Variants in GAS7 observed in about 807,000 individuals in gnomAD.
GAS7 encodes the protein growth arrest specific 7.
GAS7 carries 28 observed loss-of-function variants against 71.1 expected under a neutral mutation model. The observed-to-expected ratio is 0.39, with a 90% CI of 0.29 to 0.54. The LOEUF (loss-of-function observed/expected upper bound fraction) is 0.54, where lower values mean the gene tolerates loss of function less well. Among genes scored for constraint, GAS7 ranks in the 20% least tolerant of loss-of-function variants. The pLI is 0.62. For synonymous variants in GAS7, 258 were observed against 245.8 expected (o/e 1.05, Z -0.46); for missense variants, 436 against 627.8 (o/e 0.69, Z 3.27).
At chr17:10,070,852 G>A (rs1411595093) in intron 1 of GAS7, among the ~76,000 whole-genome samples, 1 of 151,974 alleles carries the variant, frequency 6.6e-6, no homozygotes, top group African/African-American at 2.4e-5. Flanking sequence ...TGGGGTGGTG[G>A]CGAAGGAAGA....
intron 8 of GAS7, among the ~76,000 whole-genome samples, chr17:9,938,879 C>T (rs1354597626): frequency 6.6e-6 from 1 of 152,178 alleles, no homozygotes; most frequent in African/African-American, 2.4e-5. Context: ...CACTATGAGA[C>T]CTTTTGTGCC....
chr17:10,182,712 G>A (rs2074425603), intron 1 of GAS7, among the ~76,000 whole-genome samples: 1 of 152,130 alleles, frequency 6.6e-6, no homozygotes, highest in Non-Finnish European at 1.5e-5. Context: ...GGAGACACCG[G>A]CTTTGTGGTA....
rs2072703764 is a variant in GAS7, at chr17:10,034,656, C to A, written c.184-14759G>T. ...TAGTATATATGTTTTAAGGACATGC[C>A]ATTTTAATAGGAGAAAAAAAGTCAC... On this transcript the variant is annotated intron_variant, in intron 1 of 13. Coordinates refer to ENST00000432992, the MANE Select transcript of GAS7 (RefSeq NM_201433.2). This position sits in a 1 kb window ranked among gnomAD's most constrained non-coding sequence, Gnocchi z 4.4. Among the ~76,000 whole-genome samples, 2 of 152,046 alleles carry A rather than the reference C, an allele frequency of 1.3e-5. No individual in the cohort carries two copies. Among genetic ancestry groups the A allele is most frequent in the Admixed American group, 1.3e-4 (2 of 15,266 alleles).
In GAS7 at chr17:9,977,573, G is replaced by A. The variant is rs374482907; in HGVS notation, c.385+4231C>T. Among the ~76,000 whole-genome samples, 12 of 152,256 alleles carry A rather than the reference G, an allele frequency of 7.9e-5. No individual in the cohort carries two copies. In the South Asian group the frequency reaches 1.5e-3, roughly 18 times the overall value. ...TTTAAAGTTTATTTCTTACTCATGC[G>A]GGTCTCACCCAGAAAGCCTGGCATT... is the stretch of plus-strand genomic sequence containing the variant. On this transcript the variant is annotated intron_variant, in intron 3 of 13. Transcript: ENST00000432992.
chr17:10,011,073 A>G (rs143528032), intron 2 of GAS7, among the ~76,000 whole-genome samples: 1 of 152,372 alleles, frequency 6.6e-6, no homozygotes, highest in Non-Finnish European at 1.5e-5. Context: ...CAAAATCACT[A>G]GCCTCTGCAA....
chr17:10,136,023 G>A (rs916996906), intron 1 of GAS7, among the ~76,000 whole-genome samples: 15 of 152,224 alleles, frequency 9.9e-5, no homozygotes, highest in African/African-American at 3.6e-4. Flanking sequence ...GGTTCAGCTC[G>A]GAACAACACC....
rs2067564765 is a variant in GAS7, at chr17:9,915,686, G to A, written c.*1542C>T. The A allele has an allele frequency of 8.7e-6, 2 of 230,094 alleles. No individual in the cohort carries two copies. Among genetic ancestry groups the A allele is most frequent in the Admixed American group, 1.1e-4 (2 of 17,662 alleles). 14.3% of individuals were successfully genotyped at this position (230,094 alleles called of 1,614,324 possible). On this transcript the variant is annotated 3_prime_UTR_variant, in exon 14 of 14. Transcript: ENST00000432992. ...ACGTTGACTGAAAGACCAGTGAGTT[G>A]TGCTTGTTGAATTCTGCCCTCACTG...
At position 10,052,174 on chromosome 17, in the gene GAS7, C is replaced by G. The variant is rs1021729337; in HGVS notation, c.184-32277G>C. On this transcript the variant is annotated intron_variant, in intron 1 of 13. Transcript: ENST00000432992. ...AATGAAAACGAGCCCCAGAAACAAA[C>G]CTGGTCCCTGACCGAGAACTGCAAA... Among the ~76,000 whole-genome samples the G allele has an allele frequency of 6.6e-5, 10 of 152,264 alleles. No homozygotes were observed. In the East Asian group the frequency reaches 1.9e-3, roughly 29 times the overall value.
At chr17:9,967,512 G>A (rs778259110) in intron 4 of GAS7, among the ~76,000 whole-genome samples, 2 of 152,120 alleles carry the variant, frequency 1.3e-5, no homozygotes, top group South Asian at 2.1e-4. Flanking sequence ...CAGAGCCACC[G>A]TACGTTTTCC....
At chr17:10,174,332 A>C (rs11078835) in intron 1 of GAS7, among the ~76,000 whole-genome samples, 75,920 of 152,076 alleles carry the variant, frequency 0.5, 19,533 homozygotes, top group East Asian at 0.66. Context: ...TCTGTAGAAC[A>C]AACAGCAACT....
intron 1 of GAS7, among the ~76,000 whole-genome samples, chr17:10,128,440 A>G (rs2073968265): frequency 2.7e-5 from 4 of 147,988 alleles, no homozygotes; most frequent in Admixed American, 1.4e-4. Flanking sequence ...ACTTGATACA[A>G]TCAGTTCTGA....
In GAS7 at chr17:10,198,259, C is replaced by T; in HGVS notation, c.132G>A (p.Lys44=). ...GGAACCAGCCACGGAGCCCGTCCTC[C>T]TTCTCGCCTTCCCACCAGCCGCCGT... ...VPDGGWWEGE[K]EDGLRGWFPA... Residue 44 remains lysine (K), a synonymous_variant, in exon 1 of 14, where the codon AAG becomes AAA. Coordinates refer to ENST00000432992, the MANE Select transcript of GAS7 (RefSeq NM_201433.2). The T allele has an allele frequency of 6.2e-7, 1 of 1,607,238 alleles. No individual in the cohort carries two copies. The highest frequency in any genetic ancestry group is 2.2e-5 in the East Asian group (1 of 44,820).
intron 2 of GAS7, among the ~76,000 whole-genome samples, chr17:10,011,984 A>AAC (rs1305106971): frequency 6.6e-6 from 1 of 152,066 alleles, no homozygotes; most frequent in East Asian, 1.9e-4. Flanking sequence ...TCAAAAAAAA[A>AAC]AAAAACAAAA....
chr17:9,912,936 G>A lies in GAS7; in HGVS notation c.*4292C>T. 4.3e-6 allele frequency: 1 copy of A among 233,054 alleles called. No individual in the cohort carries two copies. Among genetic ancestry groups the A allele is most frequent in the Non-Finnish European group, 8.5e-6 (1 of 117,916 alleles). 14.4% of individuals were successfully genotyped at this position (233,054 alleles called of 1,614,324 possible). A position where few individuals can be genotyped will look rare whatever the true frequency, so the allele number is the denominator to read the frequency against. Reference sequence around the variant, plus strand: ...GAATGACTCAAAAGCATTAAGCTGAGGGAAAGATGCCAGACTCAAAAGGCG... The same window carrying A: ...GAATGACTCAAAAGCATTAAGCTGAAGGAAAGATGCCAGACTCAAAAGGCG... On this transcript the variant is annotated 3_prime_UTR_variant, in exon 14 of 14. Coordinates refer to ENST00000432992, the MANE Select transcript of GAS7 (RefSeq NM_201433.2).
At chr17:10,076,608 G>A (rs1451764942) in intron 1 of GAS7, among the ~76,000 whole-genome samples, 1 of 152,108 alleles carries the variant, frequency 6.6e-6, no homozygotes, top group Admixed American at 6.5e-5. Flanking sequence ...GACAGTTCAA[G>A]ATCTAGTGAT....
In GAS7 at chr17:9,981,734, A is replaced by G. The variant is rs749085401; in HGVS notation, c.385+70T>C. ...CCAGGTTTAAGACCCAGGACCCATC[A>G]TCTCAGCCTCTCCACTGAATGTGGC... On this transcript the variant is annotated intron_variant, in intron 3 of 13. Coordinates refer to ENST00000432992, the MANE Select transcript of GAS7 (RefSeq NM_201433.2). The surrounding 1 kb of genome is among the most constrained non-coding windows in gnomAD (Gnocchi z 4.4). The G allele has an allele frequency of 7.7e-6, 7 of 905,098 alleles. No individual in the cohort carries two copies. The highest frequency in any genetic ancestry group is 1.3e-5 in the Non-Finnish European group (7 of 538,518). The allele number at this position is 905,098 out of a possible 1,614,324, so 56.1% of individuals were successfully genotyped here. A position where few individuals can be genotyped will look rare whatever the true frequency, so the allele number is the denominator to read the frequency against.
chr17:10,155,903 C>T (rs928883728), intron 1 of GAS7, among the ~76,000 whole-genome samples: 1 of 152,136 alleles, frequency 6.6e-6, no homozygotes, highest in Non-Finnish European at 1.5e-5. Context: ...GTAAGTAGTA[C>T]AGCTGGCATT....
At chr17:9,925,215 A>G (rs117355524) in intron 11 of GAS7, among the ~76,000 whole-genome samples, 7 of 152,262 alleles carry the variant, frequency 4.6e-5, no homozygotes, top group Non-Finnish European at 8.8e-5. Flanking sequence ...GGGAGAGAGT[A>G]AGGAGTCCAG....
intron 5 of GAS7, among the ~76,000 whole-genome samples, chr17:9,948,283 T>C (rs953803882): frequency 1.3e-5 from 2 of 152,236 alleles, no homozygotes; most frequent in African/African-American, 4.8e-5. Flanking sequence ...CTGATAACAT[T>C]GTTTGCTTCC....
Sources: gnomAD v4.1 joint callset for allele counts (sites outside exome capture counted in the v4.1 genomes callset) on GRCh38, gnomAD v4.1.1 for gene constraint, Gnocchi (gnomAD v3.1) non-coding constraint, MANE v1.5 for transcripts, NCBI Gene and HGNC (gene_info 2026-07-23, HGNC 2026-07-21) for gene names.